The following PCDHGA6 variants were observed in gnomAD, a reference collection of about 807,000 sequenced individuals.
PCDHGA6 encodes protocadherin gamma subfamily A, 6.
In PCDHGA6, 41 loss-of-function variants were observed where a neutral mutation model predicts 60.6. That is an observed-to-expected ratio of 0.68 (90% CI 0.53 to 0.88). The LOEUF is 0.88. Ranked by LOEUF, PCDHGA6 falls within the 40% of genes least tolerant of loss-of-function variation. The probability of loss-of-function intolerance (pLI) is 0.00; values close to 1 mark genes in which losing one functional copy is unlikely to be tolerated. For synonymous variants in PCDHGA6, 594 were observed against 524.4 expected (o/e 1.13, Z -1.81); for missense variants, 1,312 against 1,203.0 (o/e 1.09, Z -1.34).
intron 1 of PCDHGA6, chr5:141,408,447 G>A (rs536531313): frequency 3.1e-6 from 5 of 1,614,064 alleles, no homozygotes; most frequent in Admixed American, 1.7e-5. Context: ...GCGGAGAGCG[G>A]GGACTTACTT....
intron 2 of PCDHGA6, among the ~76,000 whole-genome samples, chr5:141,504,179 A>C (rs1247627456): frequency 6.6e-6 from 1 of 152,240 alleles, no homozygotes; most frequent in Non-Finnish European, 1.5e-5. Context: ...AATTCAAAAA[A>C]ATCATGAAAA....
intron 2 of PCDHGA6, 54 bp from the exon 3 acceptor site, chr5:141,505,339 G>A: frequency 1.2e-6 from 2 of 1,612,236 alleles, no homozygotes; most frequent in Middle Eastern, 3.4e-4. Flanking sequence ...GACAGGAGGG[G>A]CATGAGCTGT....
intron 1 of PCDHGA6, among the ~76,000 whole-genome samples, chr5:141,455,860 A>T (rs1032468147): frequency 1.4e-5 from 2 of 139,848 alleles, no homozygotes; most frequent in South Asian, 2.3e-4. Context: ...AATTTCTTTT[A>T]TTATTTATTT....
chr5:141,395,185 T>C, intron 1 of PCDHGA6: 1 of 1,614,158 alleles, frequency 6.2e-7, no homozygotes, highest in Non-Finnish European at 8.5e-7. Context: ...AATGATTCTT[T>C]GTTAACATCC....
At chr5:141,510,378 C>T (rs919650449) in intron 3 of PCDHGA6, among the ~76,000 whole-genome samples, 1 of 151,688 alleles carries the variant, frequency 6.6e-6, no homozygotes, top group African/African-American at 2.4e-5. Flanking sequence ...TCTACTCGTG[C>T]CAGGCCTTGC....
chr5:141,431,767 T>G lies in PCDHGA6; in HGVS notation c.2424+55260T>G, dbSNP rs1397063213. On this transcript the variant is annotated intron_variant, in intron 1 of 3. Coordinates refer to ENST00000517434, the MANE Select transcript of PCDHGA6 (RefSeq NM_018919.3). The surrounding 1 kb of genome is among the most constrained non-coding windows in gnomAD (Gnocchi z 4.8). ...CTGCGCGAGCCAAAGTCCTGATCAC[T>G]GTTCTGGACGTGAACGACAATGCCC... The G allele has an allele frequency of 6.2e-7, 1 of 1,614,224 alleles. No individual in the cohort carries two copies.
At chr5:141,407,708 G>C (rs2094972839) in intron 1 of PCDHGA6, among the ~76,000 whole-genome samples, 1 of 152,106 alleles carries the variant, frequency 6.6e-6, no homozygotes, top group African/African-American at 2.4e-5. Flanking sequence ...TGAAGGTGGG[G>C]TGATGGCTAT....
At position 141,487,030 on chromosome 5, in the gene PCDHGA6, T is replaced by C. The variant is rs773121109; in HGVS notation, c.2425-7777T>C. Reference sequence around the variant, plus strand: ...TGGAGGCCCCAGATCCCAGCCTGTTTGCAGTCTCTCGATATGCTGGGGAGG... The same window carrying C: ...TGGAGGCCCCAGATCCCAGCCTGTTCGCAGTCTCTCGATATGCTGGGGAGG... On this transcript the variant is annotated intron_variant, in intron 1 of 3. Coordinates refer to ENST00000517434, the MANE Select transcript of PCDHGA6 (RefSeq NM_018919.3). The surrounding 1 kb of genome is among the most constrained non-coding windows in gnomAD (Gnocchi z 5.0). 12 of 1,614,100 alleles carry C rather than the reference T, an allele frequency of 7.4e-6. No homozygotes were observed. Among genetic ancestry groups the C allele is most frequent in the Non-Finnish European group, 1.0e-5 (12 of 1,180,044 alleles).
chr5:141,496,993 C>G (rs981547671), intron 2 of PCDHGA6, among the ~76,000 whole-genome samples: 1 of 151,910 alleles, frequency 6.6e-6, no homozygotes, highest in South Asian at 2.1e-4. Flanking sequence ...TGAGACCAGC[C>G]TGGCAGCCAA....
rs138149681 is a variant in PCDHGA6, at chr5:141,486,735, G to A, written c.2425-8072G>A. Reference sequence around the variant, plus strand: ...CAGACAGGAGCTGTTCATGCTACTCGATCCTTTGACTATGAGCAAACCCAG... The same window carrying A: ...CAGACAGGAGCTGTTCATGCTACTCAATCCTTTGACTATGAGCAAACCCAG... On this transcript the variant is annotated intron_variant, in intron 1 of 3. Transcript: ENST00000517434. The surrounding 1 kb of genome is among the most constrained non-coding windows in gnomAD (Gnocchi z 5.0). 3.1e-4 allele frequency: 502 copies of A among 1,614,174 alleles called. 1 individual carries two copies. Among genetic ancestry groups the A allele is most frequent in the South Asian group, 1.8e-3 (161 of 91,086 alleles).
chr5:141,472,465 A>C (rs886879646), intron 1 of PCDHGA6, among the ~76,000 whole-genome samples: 4 of 152,032 alleles, frequency 2.6e-5, no homozygotes, highest in Non-Finnish European at 5.9e-5. Flanking sequence ...GCTTGAACCC[A>C]GAAGGCAGAG....
At chr5:141,415,502 A>C (rs1162629839) in intron 1 of PCDHGA6, 6 of 1,614,086 alleles carry the variant, frequency 3.7e-6, no homozygotes, top group Admixed American at 1.7e-5. Flanking sequence ...ATCTTCCCCC[A>C]GCCCAATTAT....
chr5:141,382,072 G>T (rs901840757), intron 1 of PCDHGA6, among the ~76,000 whole-genome samples: 2 of 151,786 alleles, frequency 1.3e-5, no homozygotes, highest in Non-Finnish European at 2.9e-5. Context: ...CAGGTGATCC[G>T]CCCGCCTCGG....
intron 1 of PCDHGA6, among the ~76,000 whole-genome samples, chr5:141,429,706 T>G (rs191069331): frequency 7.6e-4 from 116 of 152,354 alleles, no homozygotes; most frequent in African/African-American, 2.5e-3. Flanking sequence ...ACAGTATAAA[T>G]ATTTACGCTC....
At chr5:141,500,822 T>A (rs1377955680) in intron 2 of PCDHGA6, among the ~76,000 whole-genome samples, 1 of 152,240 alleles carries the variant, frequency 6.6e-6, no homozygotes, top group African/African-American at 2.4e-5. Context: ...TACATATTAT[T>A]TTTCTAATGC....
At position 141,374,404 on chromosome 5, in the gene PCDHGA6, C is replaced by T. The variant is rs1383124731; in HGVS notation, c.321C>T (p.Asn107=). The T allele has an allele frequency of 1.2e-6, 2 of 1,613,916 alleles. No homozygotes were observed. Among genetic ancestry groups the T allele is most frequent in the South Asian group, 1.1e-5 (1 of 91,090 alleles). Reference sequence around the variant, plus strand: ...GCCCGCGGTGTCTGGTGAGTTTTAACATCCTTGTCGAGGATAAACTGAATC... The same window carrying T: ...GCCCGCGGTGTCTGGTGAGTTTTAATATCCTTGTCGAGGATAAACTGAATC... ...AQSPRCLVSF[N]ILVEDKLNLY... is the part of the protein sequence containing the mutation. Residue 107 remains asparagine (N), a synonymous_variant, in exon 1 of 4, where the codon AAC becomes AAT. Transcript: ENST00000517434.
intron 1 of PCDHGA6, among the ~76,000 whole-genome samples, chr5:141,435,652 G>A (rs978809372): frequency 3.9e-5 from 6 of 152,226 alleles, no homozygotes; most frequent in East Asian, 1.9e-4. Flanking sequence ...TTTCTGAAAC[G>A]TGCACAGATT....
At chr5:141,499,730 T>C (rs1412528402) in intron 2 of PCDHGA6, among the ~76,000 whole-genome samples, 1 of 143,912 alleles carries the variant, frequency 6.9e-6, no homozygotes, top group East Asian at 2.1e-4. Context: ...AGTCTCACTC[T>C]CTTGCCCAGG....
At chr5:141,394,686 G>A in intron 1 of PCDHGA6, 4 of 1,612,316 alleles carry the variant, frequency 2.5e-6, no homozygotes, top group Non-Finnish European at 3.4e-6. Context: ...GCACACGGGC[G>A]AGGTGCGCAC....
Sources: gnomAD v4.1 joint callset for allele counts (sites outside exome capture counted in the v4.1 genomes callset) on GRCh38, gnomAD v4.1.1 for gene constraint, Gnocchi (gnomAD v3.1) non-coding constraint, MANE v1.5 for transcripts, NCBI Gene and HGNC (gene_info 2026-07-23, HGNC 2026-07-21) for gene names.